EPB41: variants seen among roughly 807,000 people sequenced by gnomAD.
EPB41 encodes erythrocyte membrane protein band 4.1.
A neutral mutation model predicts 108.0 loss-of-function variants in EPB41; 65 were observed. The ratio of observed to expected loss-of-function variants is 0.60; its 90% confidence interval spans 0.49 to 0.74. The LOEUF is 0.74. Among genes scored for constraint, EPB41 ranks in the 30% least tolerant of loss-of-function variants. EPB41 has a pLI of 0.00. For synonymous variants in EPB41, 336 were observed against 358.9 expected, an observed-to-expected ratio of 0.94 and a Z score of 0.72; for missense variants, 875 against 1,037.0, an observed-to-expected ratio of 0.84 and a Z score of 2.15.
chr1:29,045,686 T>G (rs1371480478), intron 11 of EPB41, among the ~76,000 whole-genome samples: 1 of 150,670 alleles, frequency 6.6e-6, no homozygotes, highest in Non-Finnish European at 1.5e-5. Flanking sequence ...TATCTTTTGG[T>G]TTTTGGCTGG....
chr1:29,048,872 C>T (rs1643998748), intron 11 of EPB41, among the ~76,000 whole-genome samples: 1 of 152,014 alleles, frequency 6.6e-6, no homozygotes, highest in South Asian at 2.1e-4. Flanking sequence ...TTATTTTTCT[C>T]TTTGTACTAT....
intron 12 of EPB41, among the ~76,000 whole-genome samples, chr1:29,056,498 G>A (rs1645474883): frequency 6.6e-6 from 1 of 151,954 alleles, no homozygotes; most frequent in Non-Finnish European, 1.5e-5. Flanking sequence ...CTGTGTAGGG[G>A]CATACACAGA....
intron 1 of EPB41, among the ~76,000 whole-genome samples, chr1:28,962,377 C>T (rs1258036756): frequency 6.6e-6 from 1 of 152,056 alleles, no homozygotes; most frequent in Non-Finnish European, 1.5e-5. Flanking sequence ...ATTGCTATTA[C>T]TTTTAATGGC....
chr1:29,119,913 T>C lies in EPB41; in HGVS notation c.*3101T>C, dbSNP rs1671625936. The C allele has an allele frequency of 6.6e-6, 1 of 152,654 alleles. No individual in the cohort carries two copies. Among genetic ancestry groups the C allele is most frequent in the Non-Finnish European group, 1.5e-5 (1 of 68,040 alleles). 9.5% of individuals were successfully genotyped at this position (152,654 alleles called of 1,614,324 possible). ...AGCAGAATCAGATTGGCAGAATCTT[T>C]AGACTACACAGGCAATAATCAAGTC... On this transcript the variant is annotated 3_prime_UTR_variant, in exon 21 of 21. Transcript: ENST00000343067.
intron 4 of EPB41, among the ~76,000 whole-genome samples, chr1:29,006,824 G>A (rs72874949): frequency 0.12 from 18,607 of 151,486 alleles, 1,580 homozygotes; most frequent in African/African-American, 0.25. Flanking sequence ...TGCTTGAGCC[G>A]GAGAGGTGGA....
intron 16 of EPB41, among the ~76,000 whole-genome samples, chr1:29,067,046 G>A (rs1008208184): frequency 1.3e-5 from 2 of 151,474 alleles, no homozygotes; most frequent in African/African-American, 4.9e-5. Context: ...TTCTGGAACT[G>A]GAGAAGGTGA....
intron 16 of EPB41, among the ~76,000 whole-genome samples, chr1:29,094,913 A>ACC (rs1163800531): frequency 6.6e-6 from 1 of 152,220 alleles, no homozygotes; most frequent in Non-Finnish European, 1.5e-5. Flanking sequence ...CATGGTATTT[A>ACC]CATATAACCT....
At chr1:29,107,828 G>A (rs1453634730) in intron 17 of EPB41, among the ~76,000 whole-genome samples, 1 of 128,318 alleles carries the variant, frequency 7.8e-6, no homozygotes, top group East Asian at 2.1e-4. Context: ...TCCAGCCTGG[G>A]CAACAGAAGC....
intron 2 of EPB41, among the ~76,000 whole-genome samples, chr1:28,992,688 C>CA (rs199997520): frequency 3.3e-5 from 5 of 150,756 alleles, no homozygotes; most frequent in East Asian, 1.9e-4. Flanking sequence ...GACTCCGTCT[C>CA]AAAAAAAAAT....
intron 1 of EPB41, among the ~76,000 whole-genome samples, chr1:28,956,514 A>G (rs977171945): frequency 6.6e-6 from 1 of 152,236 alleles, no homozygotes; most frequent in African/African-American, 2.4e-5. Flanking sequence ...TTGAAACTAG[A>G]GAACAGTTGT....
At chr1:28,961,606 A>G (rs2095216904) in intron 1 of EPB41, among the ~76,000 whole-genome samples, 1 of 152,236 alleles carries the variant, frequency 6.6e-6, no homozygotes, top group East Asian at 1.9e-4. Context: ...TCTCTACTTG[A>G]ACAATGAGGT....
chr1:28,996,772 A>T (rs1006859483), intron 3 of EPB41, among the ~76,000 whole-genome samples: 1 of 152,228 alleles, frequency 6.6e-6, no homozygotes, highest in Non-Finnish European at 1.5e-5. Flanking sequence ...AAGTTTGTTG[A>T]TCACCAAAGA....
At chr1:28,927,663 T>C (rs1388164604) in intron 1 of EPB41, among the ~76,000 whole-genome samples, 2 of 152,134 alleles carry the variant, frequency 1.3e-5, no homozygotes, top group African/African-American at 2.4e-5. Context: ...CCTTCTTTCC[T>C]CTCATCTCTC....
chr1:28,925,765 T>C (rs2093411717), intron 1 of EPB41, among the ~76,000 whole-genome samples: 1 of 152,114 alleles, frequency 6.6e-6, no homozygotes. Context: ...AGGTCATAGG[T>C]AGGAGAAGGA....
At chr1:29,083,053 C>T (rs980880729) in intron 16 of EPB41, among the ~76,000 whole-genome samples, 2 of 151,840 alleles carry the variant, frequency 1.3e-5, no homozygotes, top group Non-Finnish European at 2.9e-5. Context: ...AGATTTTATA[C>T]AAATGTAATC....
chr1:28,953,865 C>T (rs1303226566), intron 1 of EPB41, among the ~76,000 whole-genome samples: 1 of 152,220 alleles, frequency 6.6e-6, no homozygotes, highest in African/African-American at 2.4e-5. Flanking sequence ...GATTGCTGGA[C>T]ATCATCCCCA....
At chr1:29,000,451 A>G (rs543650586) in intron 4 of EPB41, among the ~76,000 whole-genome samples, 3 of 152,326 alleles carry the variant, frequency 2.0e-5, no homozygotes, top group African/African-American at 4.8e-5. Flanking sequence ...ATGTTCACCT[A>G]TATATTTATG....
chr1:29,004,793 C>T (rs1056180775), intron 4 of EPB41, among the ~76,000 whole-genome samples: 9 of 152,124 alleles, frequency 5.9e-5, no homozygotes, highest in African/African-American at 1.4e-4. Context: ...TATAACATAA[C>T]TTGGAGCAGT....
intron 4 of EPB41, among the ~76,000 whole-genome samples, chr1:29,007,202 C>T (rs1407994192): frequency 6.6e-6 from 1 of 152,130 alleles, no homozygotes; most frequent in African/African-American, 2.4e-5. Flanking sequence ...AGCGATCCTC[C>T]TGCTTCAGCC....
Sources: gnomAD v4.1 joint callset for allele counts (sites outside exome capture counted in the v4.1 genomes callset) on GRCh38, gnomAD v4.1.1 for gene constraint, MANE v1.5 for transcripts, NCBI Gene and HGNC (gene_info 2026-07-23, HGNC 2026-07-21) for gene names.